The following DSCAML1 variants were observed in gnomAD, a reference collection of about 807,000 sequenced individuals.
DSCAML1 encodes cell adhesion molecule DSCAML1.
Under a neutral mutation model 200.5 loss-of-function variants are expected in DSCAML1, and 38 were observed. The observed-to-expected ratio is 0.19, with a 90% CI of 0.15 to 0.25. DSCAML1 has a LOEUF of 0.25. Among genes scored for constraint, DSCAML1 ranks in the 10% least tolerant of loss-of-function variants. The pLI is 1.00. For missense variants in DSCAML1, 2,223 were observed against 2,858.8 expected, an observed-to-expected ratio of 0.78 and a Z score of 5.07; for synonymous variants, 1,215 against 1,165.0, an observed-to-expected ratio of 1.04 and a Z score of -0.87.
At chr11:117,615,653 G>A (rs886890455) in intron 3 of DSCAML1, among the ~76,000 whole-genome samples, 3 of 152,088 alleles carry the variant, frequency 2.0e-5, no homozygotes, top group African/African-American at 7.2e-5. Flanking sequence ...GTACCAGATT[G>A]TAGAAGGAAG....
chr11:117,641,228 A>T (rs149971308), intron 3 of DSCAML1, among the ~76,000 whole-genome samples: 2 of 152,340 alleles, frequency 1.3e-5, no homozygotes, highest in African/African-American at 4.8e-5. Context: ...ATCACTCATG[A>T]CACAGATCGC....
intron 1 of DSCAML1, among the ~76,000 whole-genome samples, chr11:117,789,965 A>G (rs2134068958): frequency 6.6e-6 from 1 of 152,206 alleles, no homozygotes; most frequent in South Asian, 2.1e-4. Flanking sequence ...TGATTAGGGG[A>G]CAGATTCCAC....
chr11:117,561,583 C>CGT (rs2050664565), intron 3 of DSCAML1, among the ~76,000 whole-genome samples: 1 of 152,212 alleles, frequency 6.6e-6, no homozygotes, highest in Non-Finnish European at 1.5e-5. Flanking sequence ...GTTCTCCTCT[C>CGT]CTCTCCTCTC....
rs749786208 is a variant in DSCAML1, at chr11:117,521,379, T to C, written c.964A>G (p.Lys322Glu). 1.2e-6 allele frequency: 2 copies of C among 1,613,846 alleles called. No individual in the cohort carries two copies. The highest frequency in any genetic ancestry group is 1.3e-5 in the African/African-American group (1 of 75,014). Residue 322 changes from lysine (K) to glutamate (E), a missense_variant, in exon 6 of 33, where the codon AAG (lysine) becomes GAG (glutamate). Coordinates refer to ENST00000651296, the MANE Select transcript of DSCAML1 (RefSeq NM_020693.4). ...IDPLHVTLTP[K>E]KLKTGIGSTV... ...CTGCCAATGCCGGTCTTCAGCTTCT[T>C]TGGTGTCAGGGTCACATGAAGGGGA...
At chr11:117,760,088 C>G (rs557695030) in intron 3 of DSCAML1, among the ~76,000 whole-genome samples, 1 of 152,134 alleles carries the variant, frequency 6.6e-6, no homozygotes, top group Non-Finnish European at 1.5e-5. Context: ...CACTCCCATT[C>G]CCCCAGCCCT....
intron 3 of DSCAML1, among the ~76,000 whole-genome samples, chr11:117,641,751 C>T (rs979406752): frequency 3.9e-5 from 6 of 152,146 alleles, no homozygotes; most frequent in Admixed American, 1.3e-4. Context: ...CTGAGGCCTG[C>T]GACCGGCTCT....
rs746246328 is a variant in DSCAML1 at position 117,428,384 on chromosome 11, C to T, written c.6106G>A (p.Gly2036Arg). The T allele has an allele frequency of 2.5e-6, 4 of 1,591,832 alleles. No individual in the cohort carries two copies. The East Asian group carries it at 6.7e-5, about 27-fold the overall frequency. ...SLLEMSTSGVGRSQKQGAGAY... is the reference protein window; with the variant it reads ...SLLEMSTSGVRRSQKQGAGAY... ...CCGGCCCCCTGCTTCTGAGACCTCC[C>T]TACCCCCGATGTGCTCATCTCGAGA... The change falls in exon 33 of 33, where the codon GGG becomes AGG. Residue 2036 changes from glycine to arginine, a missense_variant. Gly to Arg is a moderately radical substitution (Grantham distance 125, BLOSUM62 -2). Transcript: ENST00000651296.
At chr11:117,623,926 G>A (rs1422721128) in intron 3 of DSCAML1, among the ~76,000 whole-genome samples, 1 of 152,140 alleles carries the variant, frequency 6.6e-6, no homozygotes, top group Non-Finnish European at 1.5e-5. Flanking sequence ...ACTATTGGAG[G>A]ATAATGGCTT....
intron 3 of DSCAML1, among the ~76,000 whole-genome samples, chr11:117,619,542 T>C (rs1477144386): frequency 6.6e-6 from 1 of 152,226 alleles, no homozygotes; most frequent in Non-Finnish European, 1.5e-5. Context: ...ATATGTTTAA[T>C]CTCTTTTTGT....
At chr11:117,692,358 G>A (rs1459492244) in intron 3 of DSCAML1, among the ~76,000 whole-genome samples, 3 of 152,052 alleles carry the variant, frequency 2.0e-5, no homozygotes, top group Admixed American at 6.5e-5. Flanking sequence ...ACTCGGAGCC[G>A]TTCTGAGTGG....
chr11:117,745,098 T>G (rs66695315), intron 3 of DSCAML1, among the ~76,000 whole-genome samples: 2,342 of 151,644 alleles, frequency 0.015, 34 homozygotes, highest in Non-Finnish European at 0.023. Context: ...CCATTTTGTA[T>G]GAAGTTCAAA....
chr11:117,516,639 C>G lies in DSCAML1; in HGVS notation c.1611G>C (p.Lys537Asn). Reference sequence around the variant, plus strand: ...GCAGCAGCAGGGCATCCTTGTACCACTTGATGGAGTAGTAGGGATAGCCGA... The same window carrying G: ...GCAGCAGCAGGGCATCCTTGTACCAGTTGATGGAGTAGTAGGGATAGCCGA... ...RVIGYPYYSIKWYKDALLLPD... is the reference protein window; with the variant it reads ...RVIGYPYYSINWYKDALLLPD... Residue 537 changes from lysine to asparagine, a missense_variant, in exon 8 of 33, where the codon AAG (lysine) becomes AAC (asparagine). Lys to Asn is a moderately conservative substitution (Grantham distance 94). This residue lies in a region of DSCAML1 where 212 missense variants were observed against 368.0 expected (regional missense o/e 0.58). Coordinates refer to ENST00000651296, the MANE Select transcript of DSCAML1 (RefSeq NM_020693.4). This position sits in a 1 kb window ranked among gnomAD's most constrained non-coding sequence, Gnocchi z 5.7. 6.2e-7 allele frequency: 1 copy of G among 1,614,106 alleles called. No homozygotes were observed. The highest frequency in any genetic ancestry group is 1.3e-5 in the African/African-American group (1 of 75,038).
At chr11:117,709,846 T>C (rs1437705377) in intron 3 of DSCAML1, 5 of 451,958 alleles carry the variant, frequency 1.1e-5, no homozygotes, top group African/African-American at 2.0e-5. Context: ...GGGCAACCAA[T>C]GACCCCTGAA....
intron 3 of DSCAML1, among the ~76,000 whole-genome samples, chr11:117,677,764 C>A (rs768701181): frequency 3.3e-5 from 5 of 152,170 alleles, no homozygotes; most frequent in Non-Finnish European, 7.4e-5. Flanking sequence ...TTTATTAACC[C>A]CATTTTACAG....
chr11:117,435,586 G>C (rs768903242), intron 27 of DSCAML1, 58 bp downstream of exon 27: 35 of 1,531,526 alleles, frequency 2.3e-5, no homozygotes, highest in Non-Finnish European at 3.0e-5. Flanking sequence ...GAAGGGGGGG[G>C]ACAATGTGGC....
At chr11:117,794,887 C>T (rs753247940) in intron 1 of DSCAML1, among the ~76,000 whole-genome samples, 1 of 152,180 alleles carries the variant, frequency 6.6e-6, no homozygotes, top group Non-Finnish European at 1.5e-5. Flanking sequence ...GACGCTGGAG[C>T]CTCTGAATCG....
At chr11:117,807,580 G>A (rs560371292) in intron 1 of DSCAML1, among the ~76,000 whole-genome samples, 178 of 152,334 alleles carry the variant, frequency 1.2e-3, no homozygotes, top group African/African-American at 3.2e-3. Flanking sequence ...ACCCTGCAGC[G>A]TGGCTGTGAA....
At chr11:117,625,970 G>T (rs563012819) in intron 3 of DSCAML1, among the ~76,000 whole-genome samples, 2 of 152,356 alleles carry the variant, frequency 1.3e-5, no homozygotes, top group African/African-American at 4.8e-5. Context: ...ATGCCTGTGG[G>T]CATGGTCTGG....
intron 3 of DSCAML1, among the ~76,000 whole-genome samples, chr11:117,591,357 C>T (rs2051256272): frequency 6.6e-6 from 1 of 152,106 alleles, no homozygotes; most frequent in Non-Finnish European, 1.5e-5. Flanking sequence ...TGAGCGCCTG[C>T]CTCTGTAATG....
Sources: allele counts gnomAD v4.1 joint callset (sites outside exome capture counted in the v4.1 genomes callset), GRCh38; gene constraint gnomAD v4.1.1; regional missense constraint gnomAD v4.1.1; non-coding constraint Gnocchi (gnomAD v3.1); transcripts MANE v1.5; gene names NCBI Gene and HGNC (gene_info 2026-07-23, HGNC 2026-07-21).